The following TRIP4 variants were observed in gnomAD, a reference collection of about 807,000 sequenced individuals.
TRIP4 encodes the protein activating signal cointegrator 1.
TRIP4 carries 54 observed loss-of-function variants against 81.8 expected under a neutral mutation model. The observed-to-expected ratio is 0.66, with a 90% CI of 0.53 to 0.83. TRIP4 has a LOEUF of 0.83. Ranked by LOEUF, TRIP4 falls within the 40% of genes least tolerant of loss-of-function variation. TRIP4 has a pLI of 0.00. For synonymous variants in TRIP4, 270 were observed against 242.8 expected, an observed-to-expected ratio of 1.11 and a Z score of -1.04; for missense variants, 662 against 683.6, an observed-to-expected ratio of 0.97 and a Z score of 0.35.
At chr15:64,445,449 A>AC (rs986246174) in intron 12 of TRIP4, among the ~76,000 whole-genome samples, 47 of 140,546 alleles carry the variant, frequency 3.3e-4, no homozygotes, top group South Asian at 1.4e-3. Flanking sequence ...ACATGGTGAA[A>AC]CCCCCCCGTC....
intron 12 of TRIP4, among the ~76,000 whole-genome samples, chr15:64,453,091 C>T (rs956396347): frequency 3.9e-5 from 6 of 152,132 alleles, no homozygotes; most frequent in African/African-American, 1.4e-4. Flanking sequence ...GAGGCTAAGG[C>T]AGAATTGCTT....
Position 64,424,126 on chromosome 15 carries a change from A to G in TRIP4, c.1454A>G (p.Gln485Arg), listed in dbSNP as rs1892084360. 25 of 1,614,196 alleles carry G rather than the reference A, an allele frequency of 1.5e-5. No homozygotes were observed. The East Asian group carries it at 5.6e-4, about 36-fold the overall frequency. ...TCCCCTCAAGAAGTCTCAGAACTCC[A>G]GGCTACATATCGTCTTCTTCGTGGG... ...KPSPQEVSEL[Q>R]ATYRLLRGKD... The change falls in exon 10 of 13, where the codon CAG (glutamine) becomes CGG (arginine). Residue 485 changes from glutamine (Q) to arginine (R), a missense_variant. Physicochemically the swap from Gln to Arg is conservative, Grantham distance 43. Transcript: ENST00000261884.
chr15:64,388,355 GGC>G (rs1900014336), intron 1 of TRIP4, among the ~76,000 whole-genome samples: 1 of 152,130 alleles, frequency 6.6e-6, no homozygotes, highest in African/African-American at 2.4e-5. Context: ...CGCCCAGGCT[GGC>G]GTGCGGTGGC....
intron 7 of TRIP4, among the ~76,000 whole-genome samples, chr15:64,410,977 A>G (rs1285381667): frequency 6.6e-6 from 1 of 152,228 alleles, no homozygotes; most frequent in Non-Finnish European, 1.5e-5. Context: ...TTAAAACAAT[A>G]TATCAATTTT....
chr15:64,433,463 G>T (rs1017219956), intron 11 of TRIP4, among the ~76,000 whole-genome samples: 5 of 152,016 alleles, frequency 3.3e-5, no homozygotes, highest in African/African-American at 1.2e-4. Context: ...AATTAGCCAG[G>T]CGTGGTGATG....
intron 11 of TRIP4, among the ~76,000 whole-genome samples, chr15:64,441,536 G>T (rs1450019596): frequency 6.6e-6 from 1 of 151,454 alleles, no homozygotes; most frequent in Non-Finnish European, 1.5e-5. Flanking sequence ...CACTTTGGAA[G>T]GCCGAGGCAG....
intron 11 of TRIP4, among the ~76,000 whole-genome samples, chr15:64,435,879 C>A (rs1892382732): frequency 2.9e-5 from 3 of 103,574 alleles, no homozygotes; most frequent in African/African-American, 3.4e-5. Flanking sequence ...CCTGGAATAC[C>A]ATAATGGTAG....
intron 11 of TRIP4, among the ~76,000 whole-genome samples, chr15:64,437,884 G>A (rs1475911601): frequency 6.6e-6 from 1 of 152,170 alleles, no homozygotes; most frequent in Non-Finnish European, 1.5e-5. Context: ...GGAAATTATG[G>A]TTGTCCAGGT....
intron 11 of TRIP4, among the ~76,000 whole-genome samples, chr15:64,426,970 A>C (rs1892164192): frequency 6.6e-6 from 1 of 152,160 alleles, no homozygotes; most frequent in Non-Finnish European, 1.5e-5. Context: ...ACTGCGCTCC[A>C]GCCTGGGCAA....
intron 11 of TRIP4, among the ~76,000 whole-genome samples, chr15:64,444,299 A>G: frequency 6.6e-6 from 1 of 152,304 alleles, no homozygotes; most frequent in African/African-American, 2.4e-5. Flanking sequence ...AATTGTTCTT[A>G]AATTGTGATT....
At chr15:64,447,268 T>C (rs758515355) in intron 12 of TRIP4, among the ~76,000 whole-genome samples, 14 of 152,362 alleles carry the variant, frequency 9.2e-5, no homozygotes, top group Non-Finnish European at 1.3e-4. Context: ...ATTGTGTGAA[T>C]TGCATGATTC....
chr15:64,455,065 C>T lies in TRIP4; in HGVS notation c.*1C>T, dbSNP rs897885841. Reference sequence around the variant, plus strand: ...AATGAAGCAGAATAAAGCTGTCTGACCCAGGAGAAAAGGAACTATACAGCA... The same window carrying T: ...AATGAAGCAGAATAAAGCTGTCTGATCCAGGAGAAAAGGAACTATACAGCA... On this transcript the variant is annotated 3_prime_UTR_variant, in exon 13 of 13. Transcript: ENST00000261884. The T allele has an allele frequency of 2.5e-6, 4 of 1,613,884 alleles. No individual in the cohort carries two copies. The African/African-American group carries it at 4.0e-5, about 16-fold the overall frequency.
rs537319564 is a variant in TRIP4, at chr15:64,396,719, A to C, written c.406-887A>C. On this transcript the variant is annotated intron_variant, in intron 3 of 12. Transcript: ENST00000261884. ...TATTATTTGGATAGTTTCCAATTCC[A>C]ATGCAACAGTGAACATTCTTGTATG... 1.4e-3 allele frequency among the ~76,000 whole-genome samples: 215 copies of C among 152,334 alleles called. 1 individual carries two copies. The highest frequency in any genetic ancestry group is 4.3e-3 in the South Asian group (21 of 4,832).
At chr15:64,440,805 A>G (rs1392869519) in intron 11 of TRIP4, among the ~76,000 whole-genome samples, 2 of 152,100 alleles carry the variant, frequency 1.3e-5, no homozygotes, top group African/African-American at 4.8e-5. Flanking sequence ...CTGTTAATAC[A>G]CATCAGGGTG....
At chr15:64,391,893 C>T (rs1056094243) in intron 1 of TRIP4, among the ~76,000 whole-genome samples, 10 of 146,536 alleles carry the variant, frequency 6.8e-5, no homozygotes, top group African/African-American at 2.5e-4. Context: ...ATTTCTTGAA[C>T]CTAGGAGCCA....
At position 64,387,896 on chromosome 15, in the gene TRIP4, G is replaced by T; in HGVS notation, c.33G>T (p.Pro11=). 1 of 1,549,580 alleles carries T rather than the reference G, an allele frequency of 6.5e-7. No individual in the cohort carries two copies. Among genetic ancestry groups the T allele is most frequent in the Non-Finnish European group, 8.7e-7 (1 of 1,146,954 alleles). Residue 11 remains proline (P), a synonymous_variant, in exon 1 of 13, where the codon CCG becomes CCT. Coordinates refer to ENST00000261884, the MANE Select transcript of TRIP4 (RefSeq NM_016213.5). ...TGGCTGGGGCGGTGTCCGGGGAGCC[G>T]CTGGTGCACTGGTGCACCCAGCAGT... is the stretch of plus-strand genomic sequence containing the variant. MAVAGAVSGE[P]LVHWCTQQLR... is the part of the protein sequence containing the mutation.
intron 7 of TRIP4, among the ~76,000 whole-genome samples, chr15:64,412,031 A>G (rs1365841102): frequency 6.6e-6 from 1 of 152,178 alleles, no homozygotes; most frequent in Non-Finnish European, 1.5e-5. Flanking sequence ...TATCAAGATA[A>G]CAATTTCCTT....
At chr15:64,407,716 A>T (rs139019271) in intron 6 of TRIP4, among the ~76,000 whole-genome samples, 4 of 152,050 alleles carry the variant, frequency 2.6e-5, no homozygotes, top group Non-Finnish European at 5.9e-5. Context: ...TTTTTGATAA[A>T]CAGAAAGTGG....
intron 9 of TRIP4, among the ~76,000 whole-genome samples, chr15:64,422,265 G>A (rs111552123): frequency 0.014 from 2,154 of 152,294 alleles, 16 homozygotes; most frequent in Non-Finnish European, 0.02. Context: ...ATGAAGCTAG[G>A]TGATGACAGA....
Sources: gnomAD v4.1 joint callset for allele counts (sites outside exome capture counted in the v4.1 genomes callset) on GRCh38, gnomAD v4.1.1 for gene constraint, MANE v1.5 for transcripts, NCBI Gene and HGNC (gene_info 2026-07-23, HGNC 2026-07-21) for gene names.